CELF2: variants seen among roughly 807,000 people sequenced by gnomAD.
CELF2 encodes the protein CUG triplet repeat RNA-binding protein 2.
Under a neutral mutation model 62.6 loss-of-function variants are expected in CELF2, and 8 were observed. The observed-to-expected ratio is 0.13, with a 90% CI of 0.07 to 0.23. CELF2 has a LOEUF of 0.23. Among genes scored for constraint, CELF2 ranks in the 10% least tolerant of loss-of-function variants. The pLI is 1.00. For synonymous variants in CELF2, 258 were observed against 250.0 expected (o/e 1.03, Z -0.30); for missense variants, 333 against 671.0 (o/e 0.50, Z 5.56).
intron 2 of CELF2, chr10:10,920,135 T>A (rs1212484831): frequency 8.2e-6 from 4 of 487,528 alleles, no homozygotes; most frequent in Non-Finnish European, 1.3e-5. Flanking sequence ...TACATCACCA[T>A]GTAAATGCCA....
At chr10:10,652,414 T>A in the CELF2 span, among the ~76,000 whole-genome samples, 1 of 124,244 alleles carries the variant, frequency 8.0e-6, no homozygotes, top group South Asian at 3.3e-4. Flanking sequence ...CCAAGACACA[T>A]AATTGTCAGA....
chr10:10,791,648 T>C, the CELF2 span, among the ~76,000 whole-genome samples: 1 of 152,210 alleles, frequency 6.6e-6, no homozygotes, highest in Non-Finnish European at 1.5e-5. Flanking sequence ...GTATAGATTC[T>C]AAAATAATTC....
In CELF2 at chr10:11,096,633, A is replaced by G. The variant is rs528914437; in HGVS notation, c.75-68853A>G. 2.3e-4 allele frequency among the ~76,000 whole-genome samples: 35 copies of G among 152,320 alleles called. 1 individual carries two copies. Among genetic ancestry groups the G allele is most frequent in the African/African-American group, 8.4e-4 (35 of 41,580 alleles). On this transcript the variant is annotated intron_variant, in intron 1 of 12. Transcript: ENST00000633077. ...GTATGGCCAGACTGGGCATGGGCAA[A>G]GCTTTTCTCCATGGAATCCCTCTTC...
intron 2 of CELF2, among the ~76,000 whole-genome samples, chr10:11,190,045 G>A (rs1344719072): frequency 1.3e-5 from 2 of 152,122 alleles, no homozygotes; most frequent in Non-Finnish European, 2.9e-5. Flanking sequence ...ACATTTGCAA[G>A]TTGTAAATTA....
At chr10:10,981,404 C>T (rs912592921) in intron 2 of CELF2, among the ~76,000 whole-genome samples, 16 of 152,138 alleles carry the variant, frequency 1.1e-4, no homozygotes, top group East Asian at 7.7e-4. Flanking sequence ...AAGAAGTGGC[C>T]GGCATATGTG....
chr10:11,062,789 A>C (rs1429089123), intron 1 of CELF2, among the ~76,000 whole-genome samples: 1 of 152,208 alleles, frequency 6.6e-6, no homozygotes, highest in Non-Finnish European at 1.5e-5. Context: ...AGGGTTTGTG[A>C]GGATTGACTC....
At chr10:10,822,081 C>G (rs2057009736) in intron 1 of CELF2, among the ~76,000 whole-genome samples, 1 of 152,234 alleles carries the variant, frequency 6.6e-6, no homozygotes, top group Non-Finnish European at 1.5e-5. Flanking sequence ...CTCTCACAAC[C>G]ACCTGTTGAT....
chr10:10,575,726 T>C, the CELF2 span, among the ~76,000 whole-genome samples: 1 of 152,188 alleles, frequency 6.6e-6, no homozygotes, highest in Non-Finnish European at 1.5e-5. Flanking sequence ...TGGTGCAGAA[T>C]AGATGATAAA....
chr10:10,985,117 C>T (rs969022769), intron 2 of CELF2, among the ~76,000 whole-genome samples: 1 of 152,202 alleles, frequency 6.6e-6, no homozygotes, highest in Non-Finnish European at 1.5e-5. Flanking sequence ...ATAACATCTA[C>T]GAAGATGTTT....
At chr10:10,741,574 A>G in the CELF2 span, among the ~76,000 whole-genome samples, 1 of 149,656 alleles carries the variant, frequency 6.7e-6, no homozygotes, top group Non-Finnish European at 1.5e-5. Flanking sequence ...ACCCTCATTT[A>G]GAGTTTGTCT....
At chr10:10,555,233 T>C in the CELF2 span, among the ~76,000 whole-genome samples, 1 of 150,968 alleles carries the variant, frequency 6.6e-6, no homozygotes, top group South Asian at 2.1e-4. Flanking sequence ...TTAAGAGGAA[T>C]CACTGTAAAG....
intron 1 of CELF2, among the ~76,000 whole-genome samples, chr10:10,874,739 T>A (rs1486839295): frequency 6.6e-6 from 1 of 152,140 alleles, no homozygotes; most frequent in Non-Finnish European, 1.5e-5. Context: ...ATAAAAATAA[T>A]ATATATTGGA....
At chr10:11,179,101 C>G (rs2072325432) in intron 2 of CELF2, among the ~76,000 whole-genome samples, 1 of 152,198 alleles carries the variant, frequency 6.6e-6, no homozygotes, top group South Asian at 2.1e-4. Flanking sequence ...GTCTTGAAAT[C>G]CAACACATCC....
At chr10:10,838,227 A>G (rs1002690465) in intron 1 of CELF2, among the ~76,000 whole-genome samples, 1 of 152,188 alleles carries the variant, frequency 6.6e-6, no homozygotes. Context: ...CTACACTGGG[A>G]TTATGGGTTT....
At chr10:11,245,221 A>G (rs1352142306) in intron 3 of CELF2, among the ~76,000 whole-genome samples, 2 of 152,218 alleles carry the variant, frequency 1.3e-5, no homozygotes, top group African/African-American at 2.4e-5. Flanking sequence ...ACTTCTCAAG[A>G]AATCTCCCAA....
chr10:11,201,373 G>T (rs1449556639), intron 2 of CELF2, among the ~76,000 whole-genome samples: 1 of 152,182 alleles, frequency 6.6e-6, no homozygotes, highest in African/African-American at 2.4e-5. Flanking sequence ...CAGGGATCCA[G>T]GCTTCTCCAT....
intron 2 of CELF2, among the ~76,000 whole-genome samples, chr10:11,209,321 A>G (rs1390010903): frequency 6.6e-6 from 1 of 151,988 alleles, no homozygotes; most frequent in Admixed American, 6.6e-5. Flanking sequence ...AGGTCCAGCC[A>G]CAGGAATTCA....
At chr10:10,639,614 C>G in the CELF2 span, among the ~76,000 whole-genome samples, 1 of 152,108 alleles carries the variant, frequency 6.6e-6, no homozygotes, top group Non-Finnish European at 1.5e-5. Context: ...TCTTTAAAAT[C>G]CTTCAAAAAC....
At chr10:11,161,267 G>T (rs1275144306) in intron 1 of CELF2, among the ~76,000 whole-genome samples, 2 of 152,180 alleles carry the variant, frequency 1.3e-5, no homozygotes, top group African/African-American at 4.8e-5. Flanking sequence ...ATTCCATATG[G>T]CATCTGTCTT....
Sources: gnomAD v4.1 joint callset for allele counts (sites outside exome capture counted in the v4.1 genomes callset) on GRCh38, gnomAD v4.1.1 for gene constraint, MANE v1.5 for transcripts, NCBI Gene and HGNC (gene_info 2026-07-23, HGNC 2026-07-21) for gene names.